The following TEX11 variants were observed in gnomAD, a reference collection of about 807,000 sequenced individuals.
The protein encoded by TEX11 is testis expressed 11.
In TEX11, 7 loss-of-function variants were observed where a neutral mutation model predicts 84.4. The ratio of observed to expected loss-of-function variants is 0.08; its 90% confidence interval spans 0.05 to 0.16. TEX11 has a LOEUF of 0.16. Ranked by LOEUF, TEX11 falls within the 10% of genes least tolerant of loss-of-function variation. The pLI is 1.00. For missense variants in TEX11, 551 were observed against 660.5 expected (o/e 0.83, Z 1.82); for synonymous variants, 264 against 222.8 (o/e 1.18, Z -1.64).
intron 20 of TEX11, among the ~76,000 whole-genome samples, chrX:70,623,645 C>G (rs771336013): frequency 8.9e-6 from 1 of 112,032 alleles, no homozygotes; most frequent in South Asian, 3.7e-4. Flanking sequence ...CTCTGCAGAT[C>G]ACATAAGTCT....
intron 24 of TEX11, among the ~76,000 whole-genome samples, chrX:70,602,110 C>T (rs1361460668): frequency 4.4e-4 from 49 of 111,630 alleles, no homozygotes; most frequent in African/African-American, 1.3e-3. Context: ...CCAGTAGGGG[C>T]GGCCGGGCAG....
At chrX:70,652,154 A>G (rs1297638095) in intron 16 of TEX11, among the ~76,000 whole-genome samples, 4 of 111,347 alleles carry the variant, frequency 3.6e-5, no homozygotes, top group Admixed American at 9.6e-5. Context: ...ATGAGGTGTA[A>G]TACTAGGAGA....
At chrX:70,697,155 CTGCTTTT>C (rs2090287376) in intron 13 of TEX11, among the ~76,000 whole-genome samples, 1 of 112,065 alleles carries the variant, frequency 8.9e-6, no homozygotes. Flanking sequence ...TATTCCTCTT[CTGCTTTT>C]AAGAGCTTGT....
intron 28 of TEX11, among the ~76,000 whole-genome samples, chrX:70,530,632 C>T (rs936057987): frequency 8.9e-6 from 1 of 111,785 alleles, no homozygotes; most frequent in African/African-American, 3.3e-5. Flanking sequence ...GGAGATGGAA[C>T]ACAAAGAAAG....
At chrX:70,619,878 G>A (rs1391475073) in intron 20 of TEX11, among the ~76,000 whole-genome samples, 4 of 106,782 alleles carry the variant, frequency 3.7e-5, no homozygotes, top group African/African-American at 1.0e-4. Flanking sequence ...GCACAATCTC[G>A]GCTCACTGCA....
chrX:70,754,019 C>T lies in TEX11; in HGVS notation c.693-9800G>A, dbSNP rs1368236417. On this transcript the variant is annotated intron_variant, in intron 9 of 29. Transcript: ENST00000374333. ...CAGGTGAGACTCAGCACATTCCCAGCTGTGGTGGCTTCAGGGAGAGGCCCT... is the reference window on the plus strand; with the variant it reads ...CAGGTGAGACTCAGCACATTCCCAGTTGTGGTGGCTTCAGGGAGAGGCCCT... 3.6e-5 allele frequency among the ~76,000 whole-genome samples: 4 copies of T among 109,639 alleles called. No homozygotes were observed. The East Asian group carries it at 1.2e-3, about 32-fold the overall frequency.
intron 8 of TEX11, among the ~76,000 whole-genome samples, chrX:70,828,029 C>T (rs1384985659): frequency 8.9e-6 from 1 of 111,760 alleles, no homozygotes; most frequent in Non-Finnish European, 1.9e-5. Flanking sequence ...TCAAGGAGTA[C>T]CCTTTATGGG....
At chrX:70,578,885 C>T (rs192744144) in intron 25 of TEX11, among the ~76,000 whole-genome samples, 1,067 of 104,770 alleles carry the variant, frequency 0.01, 13 homozygotes, top group African/African-American at 0.036. Flanking sequence ...ATTCTCCTGC[C>T]TCAGCCTTCC....
chrX:70,527,818 G>C (rs1231823552), downstream of TEX11, among the ~76,000 whole-genome samples: 1 of 112,195 alleles, frequency 8.9e-6, no homozygotes, highest in Non-Finnish European at 1.9e-5. Context: ...AACTGAGAGA[G>C]TGACAGGAAG....
chrX:70,775,492 A>C (rs193044438), intron 9 of TEX11, among the ~76,000 whole-genome samples: 344 of 110,193 alleles, frequency 3.1e-3, no homozygotes, highest in Non-Finnish European at 4.8e-3. Flanking sequence ...CTCAACAATT[A>C]AAAAAAATCT....
intron 17 of TEX11, among the ~76,000 whole-genome samples, chrX:70,639,198 T>C (rs1032919523): frequency 8.9e-5 from 10 of 111,994 alleles, no homozygotes; most frequent in Non-Finnish European, 1.3e-4. Flanking sequence ...ACCTGAATAC[T>C]GCGCTTTTCT....
At chrX:70,830,489 C>T (rs1356266372) in intron 8 of TEX11, among the ~76,000 whole-genome samples, 1 of 111,725 alleles carries the variant, frequency 9.0e-6, no homozygotes, top group Non-Finnish European at 1.9e-5. Context: ...AAATGCTCTG[C>T]ACAGCAAAGG....
chrX:70,617,817 C>T (rs914264143), intron 20 of TEX11, among the ~76,000 whole-genome samples: 1 of 111,699 alleles, frequency 9.0e-6, no homozygotes, highest in African/African-American at 3.3e-5. Flanking sequence ...TTTATACATA[C>T]ATGATCATGC....
At chrX:70,730,804 T>C (rs2090641954) in intron 11 of TEX11, among the ~76,000 whole-genome samples, 1 of 111,897 alleles carries the variant, frequency 8.9e-6, no homozygotes, top group African/African-American at 3.3e-5. Flanking sequence ...CAAGCGGACC[T>C]AATAGACATC....
At chrX:70,759,845 G>A (rs1406716786) in intron 9 of TEX11, among the ~76,000 whole-genome samples, 1 of 111,612 alleles carries the variant, frequency 9.0e-6, no homozygotes, top group African/African-American at 3.3e-5. Context: ...CAGATGACAT[G>A]ATTGTATATT....
intron 9 of TEX11, among the ~76,000 whole-genome samples, chrX:70,757,138 G>A (rs1011513147): frequency 5.4e-5 from 6 of 112,135 alleles, no homozygotes; most frequent in Admixed American, 9.5e-5. Flanking sequence ...CCAAATCTAC[G>A]TTTGACTGGT....
At chrX:70,693,411 A>C (rs757381421) in intron 13 of TEX11, among the ~76,000 whole-genome samples, 1 of 112,223 alleles carries the variant, frequency 8.9e-6, no homozygotes, top group Non-Finnish European at 1.9e-5. Flanking sequence ...TTTATATACA[A>C]TGGAATATTA....
chrX:70,609,317 C>G (rs2089232626), intron 21 of TEX11, 140 bp from the exon 22 acceptor site: 7 of 368,803 alleles, frequency 1.9e-5, no homozygotes, highest in Non-Finnish European at 1.3e-5. Context: ...GGGTGCATAC[C>G]AAAAGTAATT....
intron 25 of TEX11, among the ~76,000 whole-genome samples, chrX:70,581,287 A>G (rs1446106698): frequency 2.9e-5 from 2 of 67,853 alleles, no homozygotes; most frequent in East Asian, 9.1e-4. Flanking sequence ...AAGTTTATAT[A>G]CTGTTGCTTT....
Sources: gnomAD v4.1 joint callset for allele counts (sites outside exome capture counted in the v4.1 genomes callset) on GRCh38, gnomAD v4.1.1 for gene constraint, MANE v1.5 for transcripts, NCBI Gene and HGNC (gene_info 2026-07-23, HGNC 2026-07-21) for gene names.